The following AGMO variants were observed in gnomAD, a reference collection of about 807,000 sequenced individuals.
AGMO encodes the protein glyceryl-ether monooxygenase.
Under a neutral mutation model 60.2 loss-of-function variants are expected in AGMO, and 75 were observed. The observed-to-expected ratio is 1.25, with a 90% confidence interval of 1.03 to 1.51. The LOEUF (loss-of-function observed/expected upper bound fraction) is 1.51. Among genes scored for constraint, AGMO ranks in the 40% most tolerant of loss-of-function variants. The pLI, the probability that AGMO is intolerant of heterozygous loss-of-function variation, is 0.00. For missense variants in AGMO, 763 were observed against 525.5 expected (o/e 1.45, Z -4.42); for synonymous variants, 261 against 177.1 (o/e 1.47, Z -3.76).
intron 3 of AGMO, among the ~76,000 whole-genome samples, chr7:15,509,117 T>A (rs956115490): frequency 6.6e-6 from 1 of 152,132 alleles, no homozygotes; most frequent in Non-Finnish European, 1.5e-5. Flanking sequence ...AATTTTTAGA[T>A]TTAAAAAGGG....
intron 2 of AGMO, among the ~76,000 whole-genome samples, chr7:15,548,693 G>A (rs1160731089): frequency 2.0e-5 from 3 of 152,198 alleles, no homozygotes; most frequent in South Asian, 4.1e-4. Context: ...CGTCTGATTG[G>A]TGTGCCTGAA....
intron 12 of AGMO, among the ~76,000 whole-genome samples, chr7:15,357,229 T>TGTGTA (rs1230118037): frequency 2.0e-5 from 2 of 102,500 alleles, no homozygotes; most frequent in Non-Finnish European, 4.2e-5. Flanking sequence ...GTGTGTGTGT[T>TGTGTA]TCACCTTGAA....
At chr7:15,461,093 T>A (rs1782130149) in intron 3 of AGMO, among the ~76,000 whole-genome samples, 1 of 152,122 alleles carries the variant, frequency 6.6e-6, no homozygotes, top group Non-Finnish European at 1.5e-5. Context: ...ATGGCTATTT[T>A]ATAAGGCCCC....
intron 4 of AGMO, 42 bp downstream of exon 4, chr7:15,430,963 A>G: frequency 8.6e-7 from 1 of 1,164,428 alleles, no homozygotes; most frequent in Non-Finnish European, 1.2e-6. Context: ...AGACTTAAAA[A>G]CAAATTAGAT....
At chr7:15,289,432 T>C (rs544918855) in intron 12 of AGMO, among the ~76,000 whole-genome samples, 40 of 152,122 alleles carry the variant, frequency 2.6e-4, no homozygotes, top group Non-Finnish European at 4.9e-4. Context: ...CTTATAGACA[T>C]AAAATTCCAG....
chr7:15,344,628 G>A (rs1374707580), intron 12 of AGMO, among the ~76,000 whole-genome samples: 1 of 152,144 alleles, frequency 6.6e-6, no homozygotes. Flanking sequence ...AGCTTGGGAA[G>A]TTGAGGCTGC....
intron 10 of AGMO, among the ~76,000 whole-genome samples, chr7:15,372,214 G>A (rs1412110346): frequency 2.0e-5 from 3 of 152,178 alleles, no homozygotes; most frequent in East Asian, 1.9e-4. Context: ...ACTTTACGAC[G>A]CTGAGGTGAG....
chr7:15,482,224 G>T (rs761753619), intron 3 of AGMO, among the ~76,000 whole-genome samples: 1 of 151,692 alleles, frequency 6.6e-6, no homozygotes. Context: ...ACCAAAAGAT[G>T]GTTTTCTGAA....
At position 15,234,434 on chromosome 7, in the gene AGMO, G is replaced by A. The variant is rs548986256; in HGVS notation, c.1264-33075C>T. ...TGATGGCTTAGTTCACTTGGATACCGGTCTTGCCTACATGCAAACTAGTTT... is the reference window on the plus strand; with the variant it reads ...TGATGGCTTAGTTCACTTGGATACCAGTCTTGCCTACATGCAAACTAGTTT... On this transcript the variant is annotated intron_variant, in intron 12 of 12. Coordinates refer to ENST00000342526, the MANE Select transcript of AGMO (RefSeq NM_001004320.2). Among the ~76,000 whole-genome samples, 64 of 152,232 alleles carry A rather than the reference G, an allele frequency of 4.2e-4. 1 individual carries two copies. The South Asian group carries it at 9.1e-3, about 22-fold the overall frequency.
the AGMO span, among the ~76,000 whole-genome samples, chr7:15,161,623 C>T: frequency 5.0e-4 from 60 of 120,500 alleles, no homozygotes; most frequent in Middle Eastern, 5.0e-3. Flanking sequence ...CATATATATC[C>T]CTATATTCAT....
chr7:15,202,780 AAT>A (rs1781333066), intron 12 of AGMO, among the ~76,000 whole-genome samples: 1 of 152,146 alleles, frequency 6.6e-6, no homozygotes, highest in Non-Finnish European at 1.5e-5. Flanking sequence ...TTTTGACTGT[AAT>A]TCAAGAGAAA....
chr7:15,369,241 T>C (rs1783105423), intron 10 of AGMO, among the ~76,000 whole-genome samples: 1 of 152,058 alleles, frequency 6.6e-6, no homozygotes, highest in Admixed American at 6.6e-5. Flanking sequence ...ACTTCTAAAA[T>C]TGCCTGTCCA....
chr7:15,423,419 A>G (rs1284055253), intron 4 of AGMO, among the ~76,000 whole-genome samples: 1 of 151,982 alleles, frequency 6.6e-6, no homozygotes, highest in African/African-American at 2.4e-5. Flanking sequence ...ACCTATGCCT[A>G]TTTTTCTGGT....
chr7:15,309,562 T>C (rs1271293742), intron 12 of AGMO, among the ~76,000 whole-genome samples: 2 of 152,174 alleles, frequency 1.3e-5, no homozygotes, highest in Non-Finnish European at 2.9e-5. Context: ...CATTGAATTT[T>C]ATTTTTAAAG....
At chr7:15,553,846 C>G (rs1231026511) in intron 2 of AGMO, among the ~76,000 whole-genome samples, 1 of 152,114 alleles carries the variant, frequency 6.6e-6, no homozygotes, top group Non-Finnish European at 1.5e-5. Flanking sequence ...AGGGTTAACA[C>G]AAATCGAGCT....
At chr7:15,195,205 G>A in the AGMO span, among the ~76,000 whole-genome samples, 8 of 152,162 alleles carry the variant, frequency 5.3e-5, no homozygotes, top group Non-Finnish European at 1.0e-4. Flanking sequence ...CATTGTCTGG[G>A]ATAGATACCT....
the AGMO span, among the ~76,000 whole-genome samples, chr7:15,182,449 T>G: frequency 6.6e-6 from 1 of 152,228 alleles, no homozygotes; most frequent in African/African-American, 2.4e-5. Flanking sequence ...CAGATGTCAC[T>G]CTGTTGCCCA....
chr7:15,161,605 C>G, the AGMO span, among the ~76,000 whole-genome samples: 15 of 147,660 alleles, frequency 1.0e-4, no homozygotes, highest in East Asian at 1.6e-3. Flanking sequence ...ATGTATCCAT[C>G]TATAATCCAT....
intron 12 of AGMO, among the ~76,000 whole-genome samples, chr7:15,356,070 GAC>G (rs1290196732): frequency 5.9e-5 from 9 of 152,110 alleles, no homozygotes; most frequent in Admixed American, 5.9e-4. Context: ...TTAGAAATCT[GAC>G]AATTACAACT....
Sources: gnomAD v4.1 joint callset for allele counts (sites outside exome capture counted in the v4.1 genomes callset) on GRCh38, gnomAD v4.1.1 for gene constraint, MANE v1.5 for transcripts, NCBI Gene and HGNC (gene_info 2026-07-23, HGNC 2026-07-21) for gene names.